PCDH15: variants seen among roughly 807,000 people sequenced by gnomAD.
The protein encoded by PCDH15 is protocadherin related 15.
A neutral mutation model predicts 178.5 loss-of-function variants in PCDH15; 129 were observed. The observed-to-expected ratio is 0.72, with a 90% CI of 0.63 to 0.84. The LOEUF (loss-of-function observed/expected upper bound fraction) is 0.84. Among genes scored for constraint, PCDH15 ranks in the 40% least tolerant of loss-of-function variants. The pLI is 0.00. For missense variants in PCDH15, 2,230 were observed against 2,099.9 expected (o/e 1.06, Z -1.21); for synonymous variants, 800 against 732.0 (o/e 1.09, Z -1.50).
At chr10:54,077,858 T>C (rs745314795) in intron 17 of PCDH15, among the ~76,000 whole-genome samples, 86 of 152,112 alleles carry the variant, frequency 5.7e-4, no homozygotes, top group Non-Finnish European at 1.1e-3. Flanking sequence ...AGGTCAGGAG[T>C]TCGAGTCCAG....
chr10:54,704,161 A>G (rs1172049232), intron 1 of PCDH15, among the ~76,000 whole-genome samples: 1 of 152,200 alleles, frequency 6.6e-6, no homozygotes, highest in African/African-American at 2.4e-5. Context: ...CCTAGAAGAT[A>G]ACCCAAGAAA....
chr10:54,512,359 TTGTGTGTGTGTGTGTGTGTG>T (rs200575121), intron 3 of PCDH15, among the ~76,000 whole-genome samples: 3 of 134,088 alleles, frequency 2.2e-5, no homozygotes, highest in South Asian at 5.2e-4. Flanking sequence ...ATTTCTGGCA[TTGTGTGTGTGTGTGTGTGTG>T]TGTGTGTGTG....
rs545142351 is a variant in PCDH15, at chr10:53,991,736, A to G, written c.2868+3913T>C. On this transcript the variant is annotated intron_variant, in intron 21 of 37. Transcript: ENST00000644397. ...AGTTAATCTAGTGGGGACTTGGAGA[A>G]CTTTTATGTCTAGCTAGAGGATTGT... Among the ~76,000 whole-genome samples, 197 of 152,068 alleles carry G rather than the reference A, an allele frequency of 1.3e-3. 3 individuals are homozygous for G. Among genetic ancestry groups the G allele is most frequent in the African/African-American group, 4.2e-3 (173 of 41,460 alleles).
intron 2 of PCDH15, among the ~76,000 whole-genome samples, chr10:55,122,492 T>C (rs1295243990): frequency 1.3e-5 from 2 of 151,976 alleles, no homozygotes; most frequent in Admixed American, 6.6e-5. Flanking sequence ...TAAATATATA[T>C]AAAAGCATAG....
At chr10:55,580,265 T>A (rs957580002) in intron 2 of PCDH15, among the ~76,000 whole-genome samples, 3 of 152,232 alleles carry the variant, frequency 2.0e-5, no homozygotes, top group Non-Finnish European at 4.4e-5. Flanking sequence ...AAGACCTATA[T>A]GTTTTTCTGT....
chr10:54,476,683 T>G (rs2078296002), intron 3 of PCDH15, among the ~76,000 whole-genome samples: 1 of 152,022 alleles, frequency 6.6e-6, no homozygotes. Flanking sequence ...GTACTTTCAA[T>G]TTTGTGGTTA....
chr10:55,351,646 T>C (rs956271515), intron 2 of PCDH15, among the ~76,000 whole-genome samples: 1 of 152,196 alleles, frequency 6.6e-6, no homozygotes, highest in African/African-American at 2.4e-5. Context: ...TTCAACTGTT[T>C]ATCTCTTTGT....
chr10:55,048,303 C>T (rs1465803181), intron 2 of PCDH15, among the ~76,000 whole-genome samples: 4 of 151,550 alleles, frequency 2.6e-5, no homozygotes, highest in Admixed American at 2.6e-4. Context: ...AAAGGAGAGT[C>T]GCTGAAAGCT....
chr10:54,386,782 G>A (rs1949984104), intron 3 of PCDH15, among the ~76,000 whole-genome samples: 1 of 152,110 alleles, frequency 6.6e-6, no homozygotes, highest in Non-Finnish European at 1.5e-5. Context: ...ACATTCATTA[G>A]GATGGCTACT....
intron 3 of PCDH15, among the ~76,000 whole-genome samples, chr10:54,454,510 T>G (rs1236572672): frequency 2.7e-5 from 4 of 150,750 alleles, no homozygotes; most frequent in Non-Finnish European, 5.9e-5. Context: ...AATAAGCATC[T>G]TATTCAACTG....
At chr10:55,376,828 A>T (rs1379234503) in intron 2 of PCDH15, among the ~76,000 whole-genome samples, 2 of 152,072 alleles carry the variant, frequency 1.3e-5, no homozygotes, top group Non-Finnish European at 2.9e-5. Flanking sequence ...GTTCTTCATC[A>T]GAAATTGTGG....
intron 4 of PCDH15, among the ~76,000 whole-genome samples, chr10:54,372,004 G>T (rs553733231): frequency 1.6e-4 from 25 of 151,912 alleles, no homozygotes; most frequent in African/African-American, 5.8e-4. Flanking sequence ...TTCCTGGAAA[G>T]AATTTGAATT....
At position 54,369,280 on chromosome 10, in the gene PCDH15, A is replaced by C. The variant is rs551311438; in HGVS notation, c.319-5T>G. The C allele has an allele frequency of 2.5e-6, 4 of 1,612,048 alleles. No individual in the cohort carries two copies. Among genetic ancestry groups the C allele is most frequent in the Non-Finnish European group, 3.4e-6 (4 of 1,178,914 alleles). On this transcript the variant is annotated splice_polypyrimidine_tract_variant and splice_region_variant and intron_variant, in intron 4 of 37. Transcript: ENST00000644397. Reference sequence around the variant, plus strand: ...GGAGTGTATGTTCATCGGTGGCTGCAATGTAGAAATTGCATCTTTTAAAAT... The same window carrying C: ...GGAGTGTATGTTCATCGGTGGCTGCCATGTAGAAATTGCATCTTTTAAAAT...
In PCDH15 at chr10:54,990,252, CT is replaced by C. The variant is rs1164172939; in HGVS notation, c.-79-92753del. On this transcript the variant is annotated intron_variant, in intron 2 of 5. Transcript: ENST00000458638. The stretch of plus-strand genomic sequence containing the variant: ...CTCTGCAGTAAATATATCTGTGTAA[CT>C]TTTTTTGTATCAGCATTTCCCATGA... 2.6e-5 allele frequency among the ~76,000 whole-genome samples: 4 copies of C among 152,266 alleles called. No homozygotes were observed. In the East Asian group the frequency reaches 7.7e-4, roughly 29 times the overall value.
chr10:54,479,175 C>T (rs181104632), intron 3 of PCDH15, among the ~76,000 whole-genome samples: 224 of 151,848 alleles, frequency 1.5e-3, no homozygotes, highest in Non-Finnish European at 2.7e-3. Flanking sequence ...TATAGTTCTC[C>T]AAAATGTTTT....
At chr10:55,365,390 ACTTGT>A (rs1845329990) in intron 2 of PCDH15, among the ~76,000 whole-genome samples, 1 of 152,106 alleles carries the variant, frequency 6.6e-6, no homozygotes, top group African/African-American at 2.4e-5. Context: ...TGTGGAATGC[ACTTGT>A]CTTGTCATGA....
chr10:55,245,742 C>A (rs1258314739), intron 1 of PCDH15, among the ~76,000 whole-genome samples: 7 of 152,126 alleles, frequency 4.6e-5, no homozygotes, highest in Admixed American at 1.3e-4. Context: ...ATATGATCAA[C>A]CCTATTAGAT....
rs186204917 is a variant in PCDH15 at position 54,994,438 on chromosome 10, A to G, written c.-79-96938T>C. Among the ~76,000 whole-genome samples, 17 of 152,302 alleles carry G rather than the reference A, an allele frequency of 1.1e-4. No individual in the cohort carries two copies. In the East Asian group the frequency reaches 3.1e-3, roughly 28 times the overall value. Reference sequence around the variant, plus strand: ...AAGATGCAGTTTTATAACAGTAATGAAAAAAATACTATATCTAGAAAATAT... The same window carrying G: ...AAGATGCAGTTTTATAACAGTAATGGAAAAAATACTATATCTAGAAAATAT... On this transcript the variant is annotated intron_variant, in intron 2 of 5. Transcript: ENST00000458638.
At chr10:55,614,147 T>C (rs1226837005) in intron 2 of PCDH15, among the ~76,000 whole-genome samples, 1 of 151,854 alleles carries the variant, frequency 6.6e-6, no homozygotes, top group African/African-American at 2.4e-5. Context: ...AAAACTCTTT[T>C]CCTCTTTTTT....
Sources: gnomAD v4.1 joint callset for allele counts (sites outside exome capture counted in the v4.1 genomes callset) on GRCh38, gnomAD v4.1.1 for gene constraint, MANE v1.5 for transcripts, NCBI Gene and HGNC (gene_info 2026-07-23, HGNC 2026-07-21) for gene names.